CHEK2: variants seen among roughly 807,000 people sequenced by gnomAD.
The protein encoded by CHEK2 is serine/threonine-protein kinase Chk2.
A neutral mutation model predicts 69.1 loss-of-function variants in CHEK2; 71 were observed. That is an observed-to-expected ratio of 1.03 (90% CI 0.85 to 1.25). The LOEUF (loss-of-function observed/expected upper bound fraction) is 1.25, where lower values mean the gene tolerates loss of function less well. Ranked by LOEUF, CHEK2 falls within the 50% of genes most tolerant of loss-of-function variation. The pLI is 0.00. For missense variants in CHEK2, 664 were observed against 649.6 expected (o/e 1.02, Z -0.24); for synonymous variants, 189 against 226.9 (o/e 0.83, Z 1.50).
At chr22:28,703,462 C>CA (rs1175933813) in intron 8 of CHEK2, 43 bp downstream of exon 8, 1 of 1,020,704 alleles carries the variant, frequency 9.8e-7, no homozygotes. Context: ...CTTTATAAAG[C>CA]ATTTGAATGG....
chr22:28,702,135 C>CTGTGTGTCTGTGTG (rs1555916243), intron 8 of CHEK2, among the ~76,000 whole-genome samples: 2 of 140,314 alleles, frequency 1.4e-5, no homozygotes, highest in African/African-American at 2.7e-5. Flanking sequence ...GTGTGTGTGT[C>CTGTGTGTCTGTGTG]TGTGTGTGTG....
At chr22:28,723,090 T>A (rs953477985) in intron 4 of CHEK2, among the ~76,000 whole-genome samples, 23 of 152,228 alleles carry the variant, frequency 1.5e-4, no homozygotes, top group African/African-American at 5.5e-4. Context: ...TGGTTGTTTT[T>A]GTCAGGTATC....
At chr22:28,734,873 T>TA (rs1380954249) in intron 1 of CHEK2, 146 bp from the exon 2 acceptor site, 2 of 695,282 alleles carry the variant, frequency 2.9e-6, no homozygotes, top group Admixed American at 5.4e-5. Context: ...TTAAAAGTCC[T>TA]AACAGCCCAG....
chr22:28,716,455 C>T (rs2053592040), intron 5 of CHEK2, among the ~76,000 whole-genome samples: 1 of 152,116 alleles, frequency 6.6e-6, no homozygotes, highest in Non-Finnish European at 1.5e-5. Context: ...CCTCAGCCTC[C>T]CAAAGTGCTA....
At chr22:28,714,658 A>G (rs2053527761) in intron 5 of CHEK2, among the ~76,000 whole-genome samples, 1 of 151,876 alleles carries the variant, frequency 6.6e-6, no homozygotes. Flanking sequence ...TAATTTATCT[A>G]TTTTTTCTTT....
At chr22:28,721,968 C>T (rs2053802190) in intron 4 of CHEK2, among the ~76,000 whole-genome samples, 1 of 151,884 alleles carries the variant, frequency 6.6e-6, no homozygotes, top group African/African-American at 2.4e-5. Flanking sequence ...TGGACTCAAG[C>T]AATCTTCCTG....
At chr22:28,737,627 G>A (rs1226380920) in intron 1 of CHEK2, among the ~76,000 whole-genome samples, 2 of 151,820 alleles carry the variant, frequency 1.3e-5, no homozygotes, top group Non-Finnish European at 2.9e-5. Context: ...ACACCACCAT[G>A]CCCGGCTAAT....
At chr22:28,725,768 G>T (rs17884342) in intron 2 of CHEK2, among the ~76,000 whole-genome samples, 3,539 of 152,194 alleles carry the variant, frequency 0.023, 66 homozygotes, top group African/African-American at 0.049. Flanking sequence ...AATCAGCAGG[G>T]TGTGGTGGTG....
intron 11 of CHEK2, 41 bp downstream of exon 11, chr22:28,695,669 C>G (rs2145799982): frequency 6.3e-7 from 1 of 1,578,218 alleles, no homozygotes; most frequent in South Asian, 1.1e-5. Flanking sequence ...TTCATCTAAT[C>G]ACCTCCTACC....
At chr22:28,731,751 C>T (rs1044212605) in intron 2 of CHEK2, among the ~76,000 whole-genome samples, 1 of 152,036 alleles carries the variant, frequency 6.6e-6, no homozygotes, top group African/African-American at 2.4e-5. Flanking sequence ...AGGTCTCAAA[C>T]TCCTGGGTTC....
chr22:28,699,731 G>C, intron 9 of CHEK2, 107 bp downstream of exon 9: 1 of 854,828 alleles, frequency 1.2e-6, no homozygotes, highest in Non-Finnish European at 2.0e-6. Flanking sequence ...CAAACACACA[G>C]ATTCTCTTCT....
At chr22:28,713,961 G>GT (rs1569143805) in intron 5 of CHEK2, among the ~76,000 whole-genome samples, 2 of 152,202 alleles carry the variant, frequency 1.3e-5, no homozygotes. Flanking sequence ...GATTAGAGGC[G>GT]TGAGCCACCG....
intron 2 of CHEK2, among the ~76,000 whole-genome samples, chr22:28,731,324 C>A (rs749122555): frequency 6.6e-6 from 1 of 152,194 alleles, no homozygotes; most frequent in Non-Finnish European, 1.5e-5. Flanking sequence ...CTCGGCCAGA[C>A]GTGGTGGCTC....
chr22:28,729,540 C>CAAAAAAAAAA (rs58149342), intron 2 of CHEK2, among the ~76,000 whole-genome samples: 24 of 83,078 alleles, frequency 2.9e-4, no homozygotes, highest in African/African-American at 5.8e-4. Flanking sequence ...GACTCCATCT[C>CAAAAAAAAAA]AAAAAAAAAA....
chr22:28,708,407 G>GTGTT (rs2053252632), intron 7 of CHEK2, among the ~76,000 whole-genome samples: 1 of 150,362 alleles, frequency 6.7e-6, no homozygotes, highest in Non-Finnish European at 1.5e-5. Context: ...GTGTGTTAAA[G>GTGTT]AGAGACTCCA....
intron 7 of CHEK2, among the ~76,000 whole-genome samples, chr22:28,704,121 GACACACACACAC>G (rs10565000): frequency 1.9e-3 from 266 of 143,022 alleles, no homozygotes; most frequent in Non-Finnish European, 2.5e-3. Flanking sequence ...GAGACAGACA[GACACACACACAC>G]ACACACACAC....
chr22:28,700,331 C>A (rs2052790553), intron 8 of CHEK2, among the ~76,000 whole-genome samples: 1 of 151,684 alleles, frequency 6.6e-6, no homozygotes, highest in African/African-American at 2.4e-5. Context: ...CATGCCTTAG[C>A]CTCCCAAGTA....
In CHEK2 at chr22:28,733,872, C is replaced by T. The variant is rs532178973; in HGVS notation, c.319+531G>A. Among the ~76,000 whole-genome samples the T allele has an allele frequency of 1.0e-4, 15 of 148,636 alleles. No individual in the cohort carries two copies. In the South Asian group the frequency reaches 3.0e-3, roughly 30 times the overall value. On this transcript the variant is annotated intron_variant, in intron 2 of 14. Transcript: ENST00000404276. Reference sequence around the variant, plus strand: ...AGTCAGAGGCTGCAGTGAGCCGAGCCGAGATGGCGTCACTGCACTTGTCTG... The same window carrying T: ...AGTCAGAGGCTGCAGTGAGCCGAGCTGAGATGGCGTCACTGCACTTGTCTG...
intron 9 of CHEK2, among the ~76,000 whole-genome samples, chr22:28,699,566 T>C (rs1487478589): frequency 1.3e-5 from 2 of 152,022 alleles, no homozygotes; most frequent in Admixed American, 1.3e-4. Context: ...GGTTTCACTA[T>C]GTTGGTCAGG....
Sources: gnomAD v4.1 joint callset for allele counts (sites outside exome capture counted in the v4.1 genomes callset) on GRCh38, gnomAD v4.1.1 for gene constraint, MANE v1.5 for transcripts, NCBI Gene and HGNC (gene_info 2026-07-23, HGNC 2026-07-21) for gene names.